Variants in CNNM1 observed in about 807,000 individuals in gnomAD.
CNNM1 encodes metal transporter CNNM1.
In CNNM1, 44 loss-of-function variants were observed where a neutral mutation model predicts 78.8. The ratio of observed to expected loss-of-function variants is 0.56; its 90% CI spans 0.44 to 0.72. The LOEUF is 0.72. Ranked by LOEUF, CNNM1 falls within the 30% of genes least tolerant of loss-of-function variation. The probability of loss-of-function intolerance (pLI) is 0.00; values close to 1 mark genes in which losing one functional copy is unlikely to be tolerated. For synonymous variants in CNNM1, 584 were observed against 581.5 expected (o/e 1.00, Z -0.06); for missense variants, 1,101 against 1,292.2 (o/e 0.85, Z 2.27).
chr10:99,347,599 A>ACACACACAC (rs1564942665), intron 1 of CNNM1, among the ~76,000 whole-genome samples: 1 of 151,630 alleles, frequency 6.6e-6, no homozygotes. Flanking sequence ...ACACACACAC[A>ACACACACAC]AATGTTGCAA....
At chr10:99,353,302 C>T (rs2031013538) in intron 1 of CNNM1, among the ~76,000 whole-genome samples, 1 of 152,026 alleles carries the variant, frequency 6.6e-6, no homozygotes, top group Non-Finnish European at 1.5e-5. Flanking sequence ...GGGAGATTAC[C>T]CTCACGGGTG....
chr10:99,369,751 T>G (rs887049125), intron 6 of CNNM1, among the ~76,000 whole-genome samples: 1 of 152,210 alleles, frequency 6.6e-6, no homozygotes, highest in Non-Finnish European at 1.5e-5. Context: ...TTTTCTTGCT[T>G]TGTGAGAGCT....
intron 1 of CNNM1, among the ~76,000 whole-genome samples, chr10:99,339,737 C>A (rs1219772373): frequency 6.6e-6 from 1 of 152,160 alleles, no homozygotes; most frequent in Non-Finnish European, 1.5e-5. Flanking sequence ...GTATTCCAAC[C>A]AGCCAGTAAG....
chr10:99,377,470 G>A, intron 7 of CNNM1: 2 of 328,758 alleles, frequency 6.1e-6, no homozygotes, highest in Non-Finnish European at 1.1e-5. Flanking sequence ...GAGGCACAAA[G>A]CAATAGATTA....
intron 2 of CNNM1, 120 bp from the exon 3 acceptor site, chr10:99,360,715 T>G: frequency 4.8e-6 from 6 of 1,242,342 alleles, no homozygotes; most frequent in Non-Finnish European, 5.5e-6. Context: ...GGTGATATTG[T>G]GATGTCACCC....
intron 6 of CNNM1, among the ~76,000 whole-genome samples, chr10:99,366,465 C>A (rs2031621624): frequency 6.6e-6 from 1 of 151,300 alleles, no homozygotes; most frequent in Admixed American, 6.6e-5. Flanking sequence ...ATTTATATGA[C>A]CTTCTTTCTT....
chr10:99,387,975 G>T lies in CNNM1; in HGVS notation c.2496G>T (p.Thr832=). ...CCCCTAAGGATGACCCCGCCATCAC[G>T]CTCCTCAACAACAGGAACAGCCTGC... is the stretch of plus-strand genomic sequence containing the variant. The part of the protein sequence containing the change: ...PQTPKDDPAI[T]LLNNRNSLPC... Residue 832 remains threonine, a synonymous_variant, in exon 8 of 11, where the codon ACG becomes ACT. Coordinates refer to ENST00000356713, the MANE Select transcript of CNNM1 (RefSeq NM_020348.3). 6.3e-7 allele frequency: 1 copy of T among 1,597,204 alleles called. No individual in the cohort carries two copies. Among genetic ancestry groups the T allele is most frequent in the South Asian group, 1.1e-5 (1 of 87,990 alleles).
Position 99,377,073 on chromosome 10 carries a change from G to C in CNNM1, c.2195G>C (p.Arg732Pro). ...TCTGCAGTAAACCGGTCCCCTTCTC[G>C]CTGCAGTGGGTTGAATCGCTCTGAG... ...SSVFLNRSPS[R>P]CSGLNRSESP... Residue 732 changes from arginine (R) to proline (P), a missense_variant, in exon 7 of 11, where the codon CGC becomes CCC. Physicochemically the swap from Arg to Pro is moderately radical, Grantham distance 103 (BLOSUM62 -2). Transcript: ENST00000356713. The C allele has an allele frequency of 6.4e-7, 1 of 1,560,074 alleles. No individual in the cohort carries two copies. Among genetic ancestry groups the C allele is most frequent in the Non-Finnish European group, 8.7e-7 (1 of 1,152,534 alleles).
intron 1 of CNNM1, among the ~76,000 whole-genome samples, chr10:99,346,668 A>G (rs1014539092): frequency 1.3e-5 from 2 of 152,192 alleles, no homozygotes; most frequent in Non-Finnish European, 2.9e-5. Flanking sequence ...AAACCTGCCC[A>G]AAACTGAGCT....
At chr10:99,367,518 T>TGTTTGGTGTATACAATGTATACA (rs974925847) in intron 6 of CNNM1, among the ~76,000 whole-genome samples, 3 of 152,176 alleles carry the variant, frequency 2.0e-5, no homozygotes, top group Non-Finnish European at 4.4e-5. Context: ...GTCTCCTGTC[T>TGTTTGGTGTATACAATGTATACA]GTTTGGTGTA....
At position 99,368,644 on chromosome 10, in the gene CNNM1, G is replaced by A. The variant is rs866536310; in HGVS notation, c.2176+3642G>A. 15 of 1,289,450 alleles carry A rather than the reference G, an allele frequency of 1.2e-5. No individual in the cohort carries two copies. In the South Asian group the frequency reaches 1.4e-4, roughly 12 times the overall value. 79.9% of individuals were successfully genotyped at this position (1,289,450 alleles called of 1,614,324 possible). Reference sequence around the variant, plus strand: ...GCCTGTCTCTGTGTCTCGTACCTTCGCTGTCAGCAGAGGGGACTCTCTGGC... The same window carrying A: ...GCCTGTCTCTGTGTCTCGTACCTTCACTGTCAGCAGAGGGGACTCTCTGGC... On this transcript the variant is annotated intron_variant, in intron 6 of 10. Transcript: ENST00000356713.
At chr10:99,358,999 T>C (rs1476931241) in intron 2 of CNNM1, among the ~76,000 whole-genome samples, 8 of 73,164 alleles carry the variant, frequency 1.1e-4, no homozygotes, top group Non-Finnish European at 1.6e-4. Flanking sequence ...AGGGCAAGAC[T>C]GTCTCAAAAA....
At chr10:99,382,014 T>C (rs1233799076) in intron 7 of CNNM1, among the ~76,000 whole-genome samples, 1 of 152,146 alleles carries the variant, frequency 6.6e-6, no homozygotes, top group South Asian at 2.1e-4. Flanking sequence ...CCTTCTGTTG[T>C]TATTGTGTTT....
In CNNM1 at chr10:99,377,006, C is replaced by T. The variant is rs757574612; in HGVS notation, c.2177-49C>T. ...CTGTCTCCCTCCCTCCCCCTTCTTCCTCCCCACCCATCCCTCCTTGTCTTT... is the reference window on the plus strand; with the variant it reads ...CTGTCTCCCTCCCTCCCCCTTCTTCTTCCCCACCCATCCCTCCTTGTCTTT... On this transcript the variant is annotated intron_variant, in intron 6 of 10. Transcript: ENST00000356713. The T allele has an allele frequency of 2.0e-5, 29 of 1,438,370 alleles. No homozygotes were observed. In the South Asian group the frequency reaches 3.5e-4, roughly 17 times the overall value. 89.1% of individuals were successfully genotyped at this position (1,438,370 alleles called of 1,614,324 possible).
At position 99,329,722 on chromosome 10, in the gene CNNM1, C is replaced by A; in HGVS notation, c.335C>A (p.Pro112His). Residue 112 changes from proline (P) to histidine (H), a missense_variant, in exon 1 of 11, where the codon CCC (proline) becomes CAC (histidine). This residue lies in a region of CNNM1 where 476 missense variants were observed against 484.5 expected (regional missense o/e 0.98). Coordinates refer to ENST00000356713, the MANE Select transcript of CNNM1 (RefSeq NM_020348.3). ...WAPRLVFIEE[P>H]PGGGGVAPSA... ...CCGCGGCTCGTGTTCATCGAGGAGCCCCCGGGCGGTGGCGGCGTGGCCCCC... is the reference window on the plus strand; with the variant it reads ...CCGCGGCTCGTGTTCATCGAGGAGCACCCGGGCGGTGGCGGCGTGGCCCCC... 1 of 1,524,644 alleles carries A rather than the reference C, an allele frequency of 6.6e-7. No homozygotes were observed. The allele number at this position is 1,524,644 out of a possible 1,614,324, so 94.4% of individuals were successfully genotyped here. A position where few individuals can be genotyped will look rare whatever the true frequency, so the allele number is the denominator to read the frequency against.
intron 6 of CNNM1, among the ~76,000 whole-genome samples, chr10:99,365,670 A>G (rs2031591711): frequency 6.6e-6 from 1 of 152,124 alleles, no homozygotes; most frequent in Admixed American, 6.6e-5. Context: ...TTTGTGATTA[A>G]AAGTGTGATA....
At position 99,330,608 on chromosome 10, in the gene CNNM1, C is replaced by T; in HGVS notation, c.1221C>T (p.Tyr407=). 1.9e-6 allele frequency: 3 copies of T among 1,613,616 alleles called. No individual in the cohort carries two copies. Among genetic ancestry groups the T allele is most frequent in the Non-Finnish European group, 2.5e-6 (3 of 1,179,762 alleles). The part of the protein sequence containing the change: ...LLETLRAADP[Y]SDLVKEELNI... ...AGACGTTGCGGGCCGCAGACCCCTA[C>T]AGTGACCTGGTGAAGGAGGAGCTCA... Residue 407 remains tyrosine (Y), a synonymous_variant, in exon 1 of 11, where the codon TAC becomes TAT. Coordinates refer to ENST00000356713, the MANE Select transcript of CNNM1 (RefSeq NM_020348.3).
chr10:99,337,537 C>T (rs1223157599), intron 1 of CNNM1, among the ~76,000 whole-genome samples: 1 of 152,244 alleles, frequency 6.6e-6, no homozygotes, highest in Non-Finnish European at 1.5e-5. Flanking sequence ...TGACACTCAG[C>T]TCAGGGGCCT....
rs186489209 is a variant in CNNM1, at chr10:99,331,745, G to A, written c.1573+785G>A. Among the ~76,000 whole-genome samples the A allele has an allele frequency of 3.8e-3, 582 of 152,252 alleles. 3 individuals are homozygous for A. Among genetic ancestry groups the A allele is most frequent in the Middle Eastern group, 0.014 (4 of 294 alleles). On this transcript the variant is annotated intron_variant, in intron 1 of 10. Transcript: ENST00000356713. ...TGCCCGGGGGGGAGGGAAGTACTCA[G>A]GTTGGGGGTTAAAAGTTGACTAAGG...
Sources: gnomAD v4.1 joint callset for allele counts (sites outside exome capture counted in the v4.1 genomes callset) on GRCh38, gnomAD v4.1.1 for gene constraint, gnomAD v4.1.1 regional missense constraint, MANE v1.5 for transcripts, NCBI Gene and HGNC (gene_info 2026-07-23, HGNC 2026-07-21) for gene names.